The following PTPRK variants were observed in gnomAD, a reference collection of about 807,000 sequenced individuals.
PTPRK encodes receptor-type tyrosine-protein phosphatase kappa.
Under a neutral mutation model 178.0 loss-of-function variants are expected in PTPRK, and 75 were observed. The ratio of observed to expected loss-of-function variants is 0.42; its 90% CI spans 0.35 to 0.51. The LOEUF (loss-of-function observed/expected upper bound fraction) is 0.51, where lower values mean the gene tolerates loss of function less well. Ranked by LOEUF, PTPRK falls within the 20% of genes least tolerant of loss-of-function variation. The probability of loss-of-function intolerance (pLI) is 0.02; values close to 1 mark genes in which losing one functional copy is unlikely to be tolerated. For missense variants in PTPRK, 1,441 were observed against 1,797.8 expected (o/e 0.80, Z 3.59); for synonymous variants, 637 against 620.6 (o/e 1.03, Z -0.39).
At chr6:128,031,857 C>G (rs188133954) in intron 13 of PTPRK, among the ~76,000 whole-genome samples, 41 of 152,306 alleles carry the variant, frequency 2.7e-4, no homozygotes, top group African/African-American at 9.6e-4. Flanking sequence ...GTAAGAAAAA[C>G]ACTGGAACGG....
At chr6:128,394,495 A>AT (rs1413987424) in intron 2 of PTPRK, among the ~76,000 whole-genome samples, 7 of 152,024 alleles carry the variant, frequency 4.6e-5, no homozygotes, top group African/African-American at 1.7e-4. Flanking sequence ...TAAAATTTTC[A>AT]TTTTTCCACT....
At chr6:128,147,740 C>T (rs1368144024) in intron 7 of PTPRK, among the ~76,000 whole-genome samples, 3 of 152,026 alleles carry the variant, frequency 2.0e-5, no homozygotes, top group Non-Finnish European at 4.4e-5. Flanking sequence ...ACGAAAACAA[C>T]ACAGGATAAA....
chr6:127,983,000 G>GA lies in PTPRK; in HGVS notation c.3388-21dup. The GA allele has an allele frequency of 6.3e-7, 1 of 1,591,160 alleles. No homozygotes were observed. Among genetic ancestry groups the GA allele is most frequent in the Non-Finnish European group, 8.6e-7 (1 of 1,169,366 alleles). On this transcript the variant is annotated intron_variant, in intron 23 of 29. Transcript: ENST00000368226. ...CTGTTCCTACCAAAAGAATGAAAAA[G>GA]AAAATTTTGTACTAGTTTTAGTATC...
intron 5 of PTPRK, among the ~76,000 whole-genome samples, chr6:128,222,090 G>T (rs1269390332): frequency 6.6e-6 from 1 of 152,032 alleles, no homozygotes; most frequent in Non-Finnish European, 1.5e-5. Context: ...TCTTCTGCAC[G>T]ACTAGCCAAT....
chr6:128,333,137 A>G (rs1830485979), intron 2 of PTPRK, among the ~76,000 whole-genome samples: 1 of 152,204 alleles, frequency 6.6e-6, no homozygotes, highest in African/African-American at 2.4e-5. Flanking sequence ...CACCTTTCCA[A>G]AAGATCCAAG....
intron 11 of PTPRK, among the ~76,000 whole-genome samples, chr6:128,073,543 G>A (rs1484251475): frequency 6.6e-6 from 1 of 151,930 alleles, no homozygotes; most frequent in Non-Finnish European, 1.5e-5. Flanking sequence ...ATATTACCCT[G>A]AAATTCTGTA....
chr6:128,303,468 T>G (rs1238553144), intron 3 of PTPRK, among the ~76,000 whole-genome samples: 2 of 152,188 alleles, frequency 1.3e-5, no homozygotes, highest in African/African-American at 4.8e-5. Context: ...GGAGATCATA[T>G]CCGTTAGTGT....
chr6:128,359,759 A>T (rs1487452407), intron 2 of PTPRK, among the ~76,000 whole-genome samples: 2 of 149,940 alleles, frequency 1.3e-5, no homozygotes, highest in Admixed American at 6.7e-5. Context: ...TCTCAAAAAT[A>T]AAAAAAAAAT....
chr6:128,449,636 T>C (rs1460676556), intron 1 of PTPRK, among the ~76,000 whole-genome samples: 2 of 152,238 alleles, frequency 1.3e-5, no homozygotes, highest in Middle Eastern at 3.4e-3. Context: ...ATTTTTTAAA[T>C]TGACTATTAA....
chr6:128,000,484 T>C (rs1777701554), intron 15 of PTPRK: 2 of 438,368 alleles, frequency 4.6e-6, no homozygotes, highest in Non-Finnish European at 3.5e-6. Context: ...AAATCCCTGA[T>C]AGATTCTGTT....
chr6:128,495,490 C>T (rs1482951484), intron 1 of PTPRK, among the ~76,000 whole-genome samples: 1 of 151,972 alleles, frequency 6.6e-6, no homozygotes, highest in Non-Finnish European at 1.5e-5. Flanking sequence ...TGTTACAGTT[C>T]AAACCAAATA....
At chr6:128,008,673 T>C (rs904292004) in intron 14 of PTPRK, among the ~76,000 whole-genome samples, 5 of 151,128 alleles carry the variant, frequency 3.3e-5, no homozygotes, top group African/African-American at 1.2e-4. Flanking sequence ...AGTCAATGAA[T>C]ATTTAATGTA....
Position 127,998,751 on chromosome 6 carries a change from G to C in PTPRK, c.2648C>G (p.Ser883Ter), listed in dbSNP as rs751111661. Reference protein sequence around the residue: ...LLQHINLMKTSDSYGFKEEYE... With the variant: ...LLQHINLMKT ...TTCCTCTTTGAACCCATAGCTGTCT[G>C]ATGTCTTCATGAGATTAATGTGCTG... is the stretch of plus-strand genomic sequence containing the variant. The change falls in exon 16 of 30, where the codon TCA becomes TGA. Residue 883 changes from serine to a stop codon, truncating the protein, a stop_gained. Coordinates refer to ENST00000368226, the MANE Select transcript of PTPRK (RefSeq NM_002844.4). LOFTEE classifies it high-confidence loss of function. The C allele has an allele frequency of 6.2e-7, 1 of 1,601,250 alleles. No individual in the cohort carries two copies. Among genetic ancestry groups the C allele is most frequent in the South Asian group, 1.1e-5 (1 of 89,586 alleles).
At chr6:128,108,028 C>T (rs140779954) in intron 7 of PTPRK, among the ~76,000 whole-genome samples, 1 of 151,406 alleles carries the variant, frequency 6.6e-6, no homozygotes, top group East Asian at 2.0e-4. Context: ...TTGATTATGT[C>T]CCAGGCCATG....
At chr6:128,073,399 T>C (rs76669679) in intron 11 of PTPRK, among the ~76,000 whole-genome samples, 3,139 of 151,914 alleles carry the variant, frequency 0.021, 115 homozygotes, top group African/African-American at 0.072. Context: ...GAGGGAATGA[T>C]GGGAATGCAG....
At chr6:128,117,338 G>A (rs536638603) in intron 7 of PTPRK, among the ~76,000 whole-genome samples, 263 of 145,928 alleles carry the variant, frequency 1.8e-3, no homozygotes, top group African/African-American at 6.6e-3. Flanking sequence ...TAGTGTTAGA[G>A]AGATTGTAAT....
chr6:128,080,285 G>T (rs572774631), intron 10 of PTPRK, among the ~76,000 whole-genome samples: 8 of 151,928 alleles, frequency 5.3e-5, no homozygotes, highest in Admixed American at 1.3e-4. Context: ...GATGGGAGGA[G>T]TCATGCAAAG....
chr6:128,478,184 A>G (rs1168000385), intron 1 of PTPRK, among the ~76,000 whole-genome samples: 1 of 152,150 alleles, frequency 6.6e-6, no homozygotes, highest in Non-Finnish European at 1.5e-5. Context: ...TTAAAAATTG[A>G]TGTGATTTTG....
At chr6:128,217,132 A>T (rs1809463334) in intron 6 of PTPRK, among the ~76,000 whole-genome samples, 1 of 152,142 alleles carries the variant, frequency 6.6e-6, no homozygotes, top group African/African-American at 2.4e-5. Flanking sequence ...AGGCTTTCAA[A>T]ATTAGGCTCA....
Sources: gnomAD v4.1 joint callset for allele counts (sites outside exome capture counted in the v4.1 genomes callset) on GRCh38, gnomAD v4.1.1 for gene constraint, MANE v1.5 for transcripts, NCBI Gene and HGNC (gene_info 2026-07-23, HGNC 2026-07-21) for gene names.